Variants in ROBO2 observed in about 807,000 individuals in gnomAD.
ROBO2 encodes roundabout homolog 2.
Under a neutral mutation model 160.8 loss-of-function variants are expected in ROBO2, and 53 were observed. The ratio of observed to expected loss-of-function variants is 0.33; its 90% CI spans 0.26 to 0.41. The LOEUF is 0.41. Among genes scored for constraint, ROBO2 ranks in the 10% least tolerant of loss-of-function variants. The probability of loss-of-function intolerance (pLI) is 1.00; values close to 1 mark genes in which losing one functional copy is unlikely to be tolerated. For synonymous variants in ROBO2, 664 were observed against 611.7 expected (o/e 1.09, Z -1.26); for missense variants, 1,577 against 1,722.4 (o/e 0.92, Z 1.49).
At chr3:76,232,073 G>C (rs561090792) in intron 2 of ROBO2, among the ~76,000 whole-genome samples, 1 of 152,274 alleles carries the variant, frequency 6.6e-6, no homozygotes, top group South Asian at 2.1e-4. Flanking sequence ...GTGGTGCCAA[G>C]AATCAGTCAG....
chr3:76,952,960 A>T (rs1257917479), intron 2 of ROBO2, among the ~76,000 whole-genome samples: 3 of 152,220 alleles, frequency 2.0e-5, no homozygotes, highest in African/African-American at 7.2e-5. Context: ...GACTTTTGAC[A>T]GTGTTCATGA....
intron 2 of ROBO2, among the ~76,000 whole-genome samples, chr3:76,858,045 C>T (rs777652435): frequency 2.0e-5 from 3 of 151,884 alleles, no homozygotes; most frequent in Non-Finnish European, 4.4e-5. Flanking sequence ...GAAAATTTTC[C>T]TTATGGCCCC....
At chr3:77,108,947 G>C (rs2073210216) in intron 2 of ROBO2, among the ~76,000 whole-genome samples, 1 of 152,090 alleles carries the variant, frequency 6.6e-6, no homozygotes, top group Non-Finnish European at 1.5e-5. Context: ...TGGAAGTGAG[G>C]TGTAAAAGGA....
At chr3:77,280,822 G>C (rs1178201363) in intron 2 of ROBO2, among the ~76,000 whole-genome samples, 1 of 152,080 alleles carries the variant, frequency 6.6e-6, no homozygotes, top group Non-Finnish European at 1.5e-5. Flanking sequence ...TTTATTGATA[G>C]TTTCCCTTGC....
intron 2 of ROBO2, among the ~76,000 whole-genome samples, chr3:76,044,667 G>A (rs1207920166): frequency 6.6e-6 from 1 of 151,932 alleles, no homozygotes; most frequent in Non-Finnish European, 1.5e-5. Flanking sequence ...TTAGCCTCAT[G>A]GAGCTTAAAG....
intron 2 of ROBO2, among the ~76,000 whole-genome samples, chr3:77,351,497 A>C (rs1483207964): frequency 6.6e-6 from 1 of 152,136 alleles, no homozygotes; most frequent in Non-Finnish European, 1.5e-5. Flanking sequence ...AAGCCCAGGA[A>C]CTGGGATCGG....
chr3:77,413,954 A>G (rs529398168), intron 2 of ROBO2, among the ~76,000 whole-genome samples: 2 of 152,156 alleles, frequency 1.3e-5, no homozygotes, highest in Non-Finnish European at 2.9e-5. Flanking sequence ...CTTTGTGTAC[A>G]TGTAGTAATT....
intron 2 of ROBO2, among the ~76,000 whole-genome samples, chr3:76,443,971 A>T (rs2109155327): frequency 6.6e-6 from 1 of 151,906 alleles, no homozygotes; most frequent in African/African-American, 2.4e-5. Context: ...AAATATCATT[A>T]TTATTATTAT....
chr3:77,519,416 G>T lies in ROBO2; in HGVS notation c.807-3359G>T, dbSNP rs114783784. On this transcript the variant is annotated intron_variant, in intron 5 of 25. Coordinates refer to ENST00000461745, the Ensembl canonical transcript of ROBO2. ...TAAAGGTTTGTGACATGGGTATATA[G>T]TGTGACAGTGAGGTTTGGGGTACAA... Among the ~76,000 whole-genome samples the T allele has an allele frequency of 1.4e-3, 210 of 151,334 alleles. 2 individuals are homozygous for T. The highest frequency in any genetic ancestry group is 4.7e-3 in the African/African-American group (193 of 41,418).
intron 2 of ROBO2, among the ~76,000 whole-genome samples, chr3:76,751,488 A>G (rs183573719): frequency 6.6e-6 from 1 of 152,274 alleles, no homozygotes; most frequent in Admixed American, 6.5e-5. Flanking sequence ...AAAAGAAACT[A>G]CCATCAGAGT....
chr3:76,441,687 T>C (rs1398262544), intron 2 of ROBO2, among the ~76,000 whole-genome samples: 5 of 152,196 alleles, frequency 3.3e-5, no homozygotes, highest in African/African-American at 1.2e-4. Flanking sequence ...GGAGTCCATT[T>C]GTATTGGGAG....
chr3:75,977,867 C>CA (rs1466320074), intron 2 of ROBO2, among the ~76,000 whole-genome samples: 5 of 151,426 alleles, frequency 3.3e-5, no homozygotes, highest in African/African-American at 9.7e-5. Flanking sequence ...AACGCATGAA[C>CA]AATTTTGAAA....
chr3:75,954,791 T>C (rs752107573), intron 2 of ROBO2, among the ~76,000 whole-genome samples: 23 of 151,922 alleles, frequency 1.5e-4, no homozygotes, highest in Non-Finnish European at 2.9e-4. Context: ...TTTGGAAGGA[T>C]ACTTATTAAC....
At chr3:75,912,194 G>C (rs193122001) in intron 1 of ROBO2, among the ~76,000 whole-genome samples, 8 of 152,288 alleles carry the variant, frequency 5.3e-5, no homozygotes, top group African/African-American at 1.7e-4. Context: ...AAGAGTGCTA[G>C]ATCACAGGAC....
intron 2 of ROBO2, among the ~76,000 whole-genome samples, chr3:76,136,417 GA>G (rs2106719303): frequency 1.3e-5 from 2 of 152,170 alleles, no homozygotes; most frequent in Admixed American, 6.5e-5. Context: ...AATGAATGGG[GA>G]AAAAACTTGA....
chr3:77,244,667 C>G (rs1221098228), intron 2 of ROBO2, among the ~76,000 whole-genome samples: 1 of 151,948 alleles, frequency 6.6e-6, no homozygotes, highest in African/African-American at 2.4e-5. Flanking sequence ...ATCACAAGGT[C>G]AGGAGATCGA....
chr3:76,061,410 A>AT (rs1348396708), intron 2 of ROBO2, among the ~76,000 whole-genome samples: 2 of 152,030 alleles, frequency 1.3e-5, no homozygotes, highest in East Asian at 1.9e-4. Flanking sequence ...GGTAAGATGT[A>AT]TTTTTTACTT....
At chr3:75,976,211 T>G (rs975097637) in intron 2 of ROBO2, among the ~76,000 whole-genome samples, 3 of 151,514 alleles carry the variant, frequency 2.0e-5, no homozygotes, top group African/African-American at 7.3e-5. Flanking sequence ...ACCCAGAAAC[T>G]CAATAAAAAT....
intron 2 of ROBO2, among the ~76,000 whole-genome samples, chr3:76,228,682 G>A (rs1704439767): frequency 6.6e-6 from 1 of 151,888 alleles, no homozygotes; most frequent in Non-Finnish European, 1.5e-5. Context: ...CAACATCTTA[G>A]CAAATCTAAA....
Sources: allele counts gnomAD v4.1 joint callset (sites outside exome capture counted in the v4.1 genomes callset), GRCh38; gene constraint gnomAD v4.1.1; transcripts MANE v1.5; gene names NCBI Gene and HGNC (gene_info 2026-07-23, HGNC 2026-07-21).